GRID2: variants seen among roughly 807,000 people sequenced by gnomAD.
GRID2 encodes glutamate ionotropic receptor delta type subunit 2.
Under a neutral mutation model 114.8 loss-of-function variants are expected in GRID2, and 33 were observed. That is an observed-to-expected ratio of 0.29 (90% CI 0.22 to 0.38). GRID2 has a LOEUF of 0.38. Ranked by LOEUF, GRID2 falls within the 10% of genes least tolerant of loss-of-function variation. The pLI, the probability that GRID2 is intolerant of heterozygous loss-of-function variation, is 1.00. For missense variants in GRID2, 1,184 were observed against 1,257.7 expected (o/e 0.94, Z 0.89); for synonymous variants, 505 against 449.9 (o/e 1.12, Z -1.55).
At position 92,524,530 on chromosome 4, in the gene GRID2, G is replaced by GA. The variant is rs558423329; in HGVS notation, c.89-65600dup. Among the ~76,000 whole-genome samples the GA allele has an allele frequency of 2.7e-5, 4 of 148,584 alleles. No homozygotes were observed. In the South Asian group the frequency reaches 6.4e-4, roughly 24 times the overall value. On this transcript the variant is annotated intron_variant, in intron 1 of 15. Transcript: ENST00000282020. Reference sequence around the variant, plus strand: ...AGCCTTCCTCACACCACAATGCACTGACCATGACTCTTTTGTCTCTCTCTT... The same window carrying GA: ...AGCCTTCCTCACACCACAATGCACTGAACCATGACTCTTTTGTCTCTCTCTT...
At chr4:93,599,457 CA>C (rs1177675402) in intron 13 of GRID2, among the ~76,000 whole-genome samples, 2 of 152,164 alleles carry the variant, frequency 1.3e-5, no homozygotes, top group African/African-American at 4.8e-5. Context: ...GAAAGTCTCA[CA>C]AAAATAATTT....
intron 2 of GRID2, among the ~76,000 whole-genome samples, chr4:92,665,997 A>G (rs1732754473): frequency 6.6e-6 from 1 of 151,400 alleles, no homozygotes. Context: ...CTATTTAAAT[A>G]TTTTCTCTGC....
At chr4:93,429,349 G>T (rs539683048) in intron 10 of GRID2, among the ~76,000 whole-genome samples, 1 of 152,162 alleles carries the variant, frequency 6.6e-6, no homozygotes, top group South Asian at 2.1e-4. Context: ...TGCAAATTGC[G>T]CCCTTTACAA....
At chr4:92,446,139 G>A (rs1461906007) in intron 1 of GRID2, among the ~76,000 whole-genome samples, 1 of 152,072 alleles carries the variant, frequency 6.6e-6, no homozygotes. Context: ...TAGAGACGGG[G>A]TTTCACTATG....
chr4:92,878,897 T>G (rs1745807682), intron 2 of GRID2, among the ~76,000 whole-genome samples: 1 of 152,132 alleles, frequency 6.6e-6, no homozygotes, highest in Non-Finnish European at 1.5e-5. Context: ...AAATCCCATT[T>G]ATACAAACCC....
chr4:92,616,925 AATG>A (rs1413304417), intron 2 of GRID2, among the ~76,000 whole-genome samples: 2 of 151,552 alleles, frequency 1.3e-5, no homozygotes, highest in Non-Finnish European at 3.0e-5. Context: ...GGCCCATAAT[AATG>A]GCATATATTT....
chr4:93,794,575 C>T (rs1045534027), intron 1 of GRID2, among the ~76,000 whole-genome samples: 1 of 152,156 alleles, frequency 6.6e-6, no homozygotes, highest in Non-Finnish European at 1.5e-5. Flanking sequence ...GGTCGTGCAG[C>T]TTGCTTTCTT....
rs185377981 is a variant in GRID2, at chr4:92,414,749, A to G, written c.88+110005A>G. 1.2e-3 allele frequency among the ~76,000 whole-genome samples: 188 copies of G among 152,228 alleles called. 2 individuals carry two copies. The highest frequency in any genetic ancestry group is 4.0e-3 in the African/African-American group (168 of 41,556). ...GTGGATGCTGCATGAAGGTTTTTTT[A>G]TATTTAGTTTCTACTGGGACTATGT... is the stretch of plus-strand genomic sequence containing the variant. On this transcript the variant is annotated intron_variant, in intron 1 of 15. Coordinates refer to ENST00000282020, the MANE Select transcript of GRID2 (RefSeq NM_001510.4).
At chr4:93,522,445 A>C (rs376100533) in intron 13 of GRID2, among the ~76,000 whole-genome samples, 1 of 152,224 alleles carries the variant, frequency 6.6e-6, no homozygotes, top group East Asian at 1.9e-4. Context: ...TTGTCTAGCC[A>C]TCATCTTCAG....
intron 4 of GRID2, among the ~76,000 whole-genome samples, chr4:93,162,683 A>G (rs1737796646): frequency 6.6e-6 from 1 of 152,038 alleles, no homozygotes; most frequent in Non-Finnish European, 1.5e-5. Flanking sequence ...TTTTACATGT[A>G]GAATTCCTTG....
chr4:93,777,150 CTA>C (rs1216415617), downstream of GRID2, among the ~76,000 whole-genome samples: 6 of 152,242 alleles, frequency 3.9e-5, no homozygotes, highest in East Asian at 1.2e-3. Context: ...CTCCAGGAGA[CTA>C]GAAACCTCAT....
chr4:92,864,908 A>G (rs1443598042), intron 2 of GRID2, among the ~76,000 whole-genome samples: 1 of 151,958 alleles, frequency 6.6e-6, no homozygotes, highest in Non-Finnish European at 1.5e-5. Flanking sequence ...TAACCCGTCT[A>G]CCTCCCCTCC....
intron 8 of GRID2, among the ~76,000 whole-genome samples, chr4:93,389,428 C>T (rs565064335): frequency 4.6e-5 from 7 of 152,176 alleles, no homozygotes; most frequent in South Asian, 2.1e-4. Context: ...TATTAGGACA[C>T]GGTGTCTAGT....
At chr4:92,866,542 TC>T (rs1176297846) in intron 2 of GRID2, among the ~76,000 whole-genome samples, 1 of 151,678 alleles carries the variant, frequency 6.6e-6, no homozygotes, top group Non-Finnish European at 1.5e-5. Context: ...ATTGATGTTA[TC>T]CTTTTTTTTT....
intron 8 of GRID2, among the ~76,000 whole-genome samples, chr4:93,321,304 T>C (rs769284525): frequency 2.6e-5 from 4 of 152,042 alleles, no homozygotes; most frequent in Admixed American, 6.6e-5. Context: ...TGCTTTTAAA[T>C]GTATTTCCCT....
intron 11 of GRID2, among the ~76,000 whole-genome samples, chr4:93,461,462 T>C (rs1332957568): frequency 6.6e-6 from 1 of 152,122 alleles, no homozygotes; most frequent in Admixed American, 6.6e-5. Flanking sequence ...ATTTCAGAAT[T>C]GCAGTCTTCA....
Position 92,464,728 on chromosome 4 carries a change from T to TA in GRID2, c.89-125398dup, listed in dbSNP as rs139158697. On this transcript the variant is annotated intron_variant, in intron 1 of 15. Transcript: ENST00000282020. Reference sequence around the variant, plus strand: ...GCTAGAAATATAAGCACATAAATGTTAAAAAGAATAATTAAGAAAGGATTT... The same window carrying TA: ...GCTAGAAATATAAGCACATAAATGTTAAAAAAGAATAATTAAGAAAGGATTT... Among the ~76,000 whole-genome samples, 1,507 of 152,186 alleles carry TA rather than the reference T, an allele frequency of 9.9e-3. 24 individuals carry two copies. The highest frequency in any genetic ancestry group is 0.035 in the African/African-American group (1,441 of 41,522).
chr4:92,461,388 T>A (rs1260133855), intron 1 of GRID2, among the ~76,000 whole-genome samples: 3 of 151,978 alleles, frequency 2.0e-5, no homozygotes, highest in African/African-American at 7.2e-5. Context: ...TTGTTTTGCT[T>A]AAGTCACAGT....
intron 14 of GRID2, among the ~76,000 whole-genome samples, chr4:93,761,113 C>T (rs910960288): frequency 2.6e-5 from 4 of 152,138 alleles, no homozygotes; most frequent in Non-Finnish European, 2.9e-5. Flanking sequence ...TCTCTCTCAG[C>T]GTGGTGAAAT....
Sources: allele counts gnomAD v4.1 joint callset (sites outside exome capture counted in the v4.1 genomes callset), GRCh38; gene constraint gnomAD v4.1.1; transcripts MANE v1.5; gene names NCBI Gene and HGNC (gene_info 2026-07-23, HGNC 2026-07-21).